Variants in NME1 observed in about 807,000 individuals in gnomAD.
NME1 encodes the protein NME/NM23 nucleoside diphosphate kinase 1.
In NME1, 9 loss-of-function variants were observed where a neutral mutation model predicts 17.2. The observed-to-expected ratio is 0.52, with a 90% CI of 0.32 to 0.92. NME1 has a LOEUF of 0.92. Ranked by LOEUF, NME1 falls within the 40% of genes least tolerant of loss-of-function variation. NME1 has a pLI of 0.04. For missense variants in NME1, 169 were observed against 201.7 expected (o/e 0.84, Z 0.98); for synonymous variants, 72 against 70.8 (o/e 1.02, Z -0.09).
Position 51,161,226 on chromosome 17 carries a change from TC to T in NME1, c.297del (p.Lys100SerfsTer41). The T allele has an allele frequency of 6.2e-7, 1 of 1,613,006 alleles. No homozygotes were observed. Among genetic ancestry groups the T allele is most frequent in the Non-Finnish European group, 8.5e-7 (1 of 1,179,620 alleles). On this transcript the variant is annotated frameshift_variant, in exon 4 of 5. Transcript: ENST00000393196. LOFTEE classifies it high-confidence loss of function. ...GCTCGGGGAGACCAACCCTGCAGAC[TC>T]CAAGCCTGGGACCATCCGTGGAGAC... ...VMLGETNPADSKPGTIRGDFC... is the reference protein window; with the variant it reads ...VMLGETNPADXKPGTIRGDFC...
rs1398953649 is a variant in NME1 at position 51,161,240 on chromosome 17, C to T, written c.309C>T (p.Thr103=). 5.6e-6 allele frequency: 9 copies of T among 1,612,310 alleles called. No individual in the cohort carries two copies. The highest frequency in any genetic ancestry group is 1.3e-5 in the African/African-American group (1 of 74,900). The change falls in exon 4 of 5, where the codon ACC becomes ACT. Residue 103 remains threonine, a synonymous_variant. Transcript: ENST00000393196. ...ETNPADSKPG[T]IRGDFCIQVG... is the part of the protein sequence containing the mutation. ...ACCCTGCAGACTCCAAGCCTGGGAC[C>T]ATCCGTGGAGACTTCTGCATACAAG...
At chr17:51,155,842 AC>A in intron 2 of NME1, 62 bp downstream of exon 2, 1 of 1,606,180 alleles carries the variant, frequency 6.2e-7, no homozygotes, top group Non-Finnish European at 8.5e-7. Flanking sequence ...ACTGTGATTA[AC>A]CTGTTTCTCC....
At chr17:51,159,885 T>C (rs981560526) in intron 2 of NME1, 95 bp from the exon 3 acceptor site, 31 of 1,451,054 alleles carry the variant, frequency 2.1e-5, no homozygotes, top group Non-Finnish European at 2.8e-5. Context: ...CAACCGCTCA[T>C]GTTTTACATA....
At chr17:51,154,359 A>T in intron 1 of NME1, 2 of 1,613,562 alleles carry the variant, frequency 1.2e-6, no homozygotes, top group South Asian at 2.2e-5. Context: ...AAGGACAGGA[A>T]GATGGGGCCA....
In NME1 at chr17:51,155,907, A is replaced by G. The variant is rs997300087; in HGVS notation, c.126+127A>G. ...GTAGAGTGAACACAAGTGTCTTGAG[A>G]CCTGGAAACTCCTCAGTGCCCTAGC... On this transcript the variant is annotated intron_variant, in intron 2 of 4. Coordinates refer to ENST00000393196, the MANE Select transcript of NME1 (RefSeq NM_000269.3). The G allele has an allele frequency of 2.7e-6, 4 of 1,473,526 alleles. No individual in the cohort carries two copies. In the Admixed American group the frequency reaches 7.0e-5, roughly 26 times the overall value. 91.3% of individuals were successfully genotyped at this position (1,473,526 alleles called of 1,614,324 possible).
intron 2 of NME1, 139 bp downstream of exon 2, chr17:51,155,919 C>G (rs2049779670): frequency 1.4e-6 from 2 of 1,379,474 alleles, no homozygotes; most frequent in Admixed American, 3.6e-5. Context: ...CTGGAAACTC[C>G]TCAGTGCCCT....
chr17:51,154,431 A>T (rs752650478), intron 1 of NME1: 29 of 1,613,878 alleles, frequency 1.8e-5, no homozygotes, highest in Non-Finnish European at 1.7e-6. Context: ...TCCTATCTCA[A>T]GCTGTGATAC....
intron 2 of NME1, chr17:51,156,033 A>G: frequency 2.5e-6 from 1 of 406,832 alleles, no homozygotes; most frequent in Admixed American, 3.5e-5. Flanking sequence ...GCAGAGTTCC[A>G]CATATGACTG....
chr17:51,160,359 C>A, intron 3 of NME1: 1 of 503,192 alleles, frequency 2.0e-6, no homozygotes, highest in South Asian at 1.9e-5. Context: ...AAGCAGCCAG[C>A]CATGTACAGA....
chr17:51,154,446 T>A (rs778791968), intron 1 of NME1: 1 of 1,613,696 alleles, frequency 6.2e-7, no homozygotes, highest in South Asian at 1.1e-5. Flanking sequence ...TGATACAGGG[T>A]AGGTCATGAG....
chr17:51,154,867 G>A (rs542687296), intron 1 of NME1, among the ~76,000 whole-genome samples: 6 of 152,310 alleles, frequency 3.9e-5, no homozygotes, highest in Admixed American at 1.3e-4. Context: ...GAGAAAGATA[G>A]TGCCTTGTTT....
intron 3 of NME1, chr17:51,160,313 A>T (rs1384726335): frequency 1.6e-6 from 1 of 614,790 alleles, no homozygotes; most frequent in Non-Finnish European, 3.0e-6. Flanking sequence ...TTAAGCTGTG[A>T]TCTGAATGAC....
intron 2 of NME1, 55 bp from the exon 3 acceptor site, chr17:51,159,925 T>C: frequency 6.3e-7 from 1 of 1,599,474 alleles, no homozygotes; most frequent in Non-Finnish European, 8.6e-7. Flanking sequence ...ATTAAATGGA[T>C]TATATGTCCT....
chr17:51,153,792 G>A (rs1360661556), intron 1 of NME1, 130 bp downstream of exon 1: 2 of 157,386 alleles, frequency 1.3e-5, no homozygotes, highest in South Asian at 1.7e-4. Flanking sequence ...GGGAGGAGGG[G>A]CAGGGAGCGC....
intron 3 of NME1, chr17:51,160,686 C>T (rs563746020): frequency 2.8e-5 from 7 of 254,062 alleles, no homozygotes; most frequent in African/African-American, 1.4e-4. Context: ...CTCGTCTCAC[C>T]GCAAGCTCCA....
At chr17:51,159,632 CTGGT>C (rs2049835711) in intron 2 of NME1, among the ~76,000 whole-genome samples, 1 of 151,620 alleles carries the variant, frequency 6.6e-6, no homozygotes, top group Non-Finnish European at 1.5e-5. Context: ...TTAGCCAAGT[CTGGT>C]AGTGTGTGTC....
intron 1 of NME1, chr17:51,154,442 A>G (rs1336242698): frequency 6.2e-7 from 1 of 1,613,524 alleles, no homozygotes. Context: ...GCTGTGATAC[A>G]GGGTAGGTCA....
At chr17:51,160,220 A>G (rs1488687352) in intron 3 of NME1, 139 bp downstream of exon 3, 3 of 904,520 alleles carry the variant, frequency 3.3e-6, no homozygotes, top group Non-Finnish European at 3.6e-6. Context: ...GGTTAGTGAT[A>G]GGCTTCAGAA....
At chr17:51,157,217 G>GA (rs1218042083) in intron 2 of NME1, among the ~76,000 whole-genome samples, 2 of 151,406 alleles carry the variant, frequency 1.3e-5, no homozygotes, top group Non-Finnish European at 2.9e-5. Flanking sequence ...CAAAAAAAAA[G>GA]AAAAAAAAGA....
Sources: allele counts gnomAD v4.1 joint callset (sites outside exome capture counted in the v4.1 genomes callset), GRCh38; gene constraint gnomAD v4.1.1; transcripts MANE v1.5; gene names NCBI Gene and HGNC (gene_info 2026-07-23, HGNC 2026-07-21).